The following TNRC6A variants were observed in gnomAD, a reference collection of about 807,000 sequenced individuals.
TNRC6A encodes the protein trinucleotide repeat-containing gene 6A protein.
A neutral mutation model predicts 221.2 loss-of-function variants in TNRC6A; 44 were observed. The ratio of observed to expected loss-of-function variants is 0.20; its 90% CI spans 0.16 to 0.26. The LOEUF (loss-of-function observed/expected upper bound fraction) is 0.26. Among genes scored for constraint, TNRC6A ranks in the 10% least tolerant of loss-of-function variants. The pLI, the probability that TNRC6A is intolerant of heterozygous loss-of-function variation, is 1.00. For missense variants in TNRC6A, 2,199 were observed against 2,404.4 expected, an observed-to-expected ratio of 0.91 and a Z score of 1.79; for synonymous variants, 847 against 838.5, an observed-to-expected ratio of 1.01 and a Z score of -0.18.
In TNRC6A at chr16:24,789,316, G is replaced by T. The variant is rs1252985080; in HGVS notation, c.674G>T (p.Cys225Phe). 6.2e-7 allele frequency: 1 copy of T among 1,614,210 alleles called. No individual in the cohort carries two copies. The highest frequency in any genetic ancestry group is 1.7e-5 in the Admixed American group (1 of 60,026). The change falls in exon 6 of 25, where the codon TGT becomes TTT. Residue 225 changes from cysteine (C) to phenylalanine (F), a missense_variant. Cys to Phe is a radical substitution (Grantham distance 205, BLOSUM62 -2). Around this residue, in one of 8 missense-constraint regions of TNRC6A, gnomAD observed 1,405 missense variants for 1,400.2 expected, o/e 1.00. Transcript: ENST00000395799. Reference protein sequence around the residue: ...VSSTSDSSTNCKNAVVSDLSE... With the variant: ...VSSTSDSSTNFKNAVVSDLSE... ...TCTACAAGTGATTCTAGCACAAACT[G>T]TAAGAATGCTGTTGTAAGTGACTTG...
At chr16:24,674,377 C>A (rs548991948) in intron 2 of TNRC6A, among the ~76,000 whole-genome samples, 207 of 152,158 alleles carry the variant, frequency 1.4e-3, no homozygotes, top group African/African-American at 4.6e-3. Context: ...TGCACTCCAG[C>A]CTGGGTGACA....
chr16:24,610,221 G>C (rs1899980233), exon 1 of TNRC6A: 1 of 152,240 alleles, frequency 6.6e-6, no homozygotes, highest in Admixed American at 6.5e-5. Flanking sequence ...TGATGGCTCC[G>C]GTGATGTTGG....
Position 24,703,821 on chromosome 16 carries a change from C to T in TNRC6A, n.403-46905C>T, listed in dbSNP as rs112162815. On this transcript the variant is annotated intron_variant and non_coding_transcript_variant, in intron 2 of 2. Coordinates refer to the TNRC6A transcript ENST00000566108. ...TTTTTTGGCCGGGCGTGGTGGCTCA[C>T]GCCTGTAATCCCAGCACTTTGGGAG... 6.6e-3 allele frequency among the ~76,000 whole-genome samples: 1,009 copies of T among 151,998 alleles called. 3 individuals are homozygous for T. The highest frequency in any genetic ancestry group is 0.012 in the Non-Finnish European group (814 of 67,946).
rs1467107851 is a variant in TNRC6A, at chr16:24,717,612, C to A, written n.403-33114C>A. Among the ~76,000 whole-genome samples, 3 of 152,130 alleles carry A rather than the reference C, an allele frequency of 2.0e-5. No homozygotes were observed. In the East Asian group the frequency reaches 5.8e-4, roughly 29 times the overall value. The stretch of plus-strand genomic sequence containing the variant: ...TTGCATTTGTCAGATAAAGCAAAAC[C>A]CAGGAGATCCCAGAGACCACACAGA... On this transcript the variant is annotated intron_variant and non_coding_transcript_variant, in intron 2 of 2. Coordinates refer to the TNRC6A transcript ENST00000566108.
chr16:24,801,171 T>G (rs1221842088), intron 11 of TNRC6A, among the ~76,000 whole-genome samples: 1 of 152,088 alleles, frequency 6.6e-6, no homozygotes, highest in African/African-American at 2.4e-5. Flanking sequence ...TGAAGTGTAA[T>G]TAATTAGATG....
chr16:24,613,908 T>G (rs1900208974), intron 1 of TNRC6A, among the ~76,000 whole-genome samples: 1 of 152,146 alleles, frequency 6.6e-6, no homozygotes, highest in Non-Finnish European at 1.5e-5. Flanking sequence ...AAGAGGTATA[T>G]CAGTTTTTCT....
At chr16:24,815,037 C>A in intron 18 of TNRC6A, 110 bp from the exon 19 acceptor site, 2 of 1,229,726 alleles carry the variant, frequency 1.6e-6, no homozygotes, top group Non-Finnish European at 2.3e-6. Context: ...GAGAACACAG[C>A]CTAGAGCCCA....
intron 18 of TNRC6A, among the ~76,000 whole-genome samples, chr16:24,811,238 TAAGAA>T (rs1374158131): frequency 6.6e-6 from 1 of 152,136 alleles, no homozygotes; most frequent in East Asian, 1.9e-4. Flanking sequence ...ACACCTACAG[TAAGAA>T]AAGTCTGATT....
intron 4 of TNRC6A, among the ~76,000 whole-genome samples, chr16:24,762,736 T>G (rs2057389704): frequency 6.6e-6 from 1 of 152,234 alleles, no homozygotes; most frequent in South Asian, 2.1e-4. Context: ...TTAACTAACT[T>G]GCCCAGGTTA....
chr16:24,616,342 A>AAG (rs956955825), intron 1 of TNRC6A, among the ~76,000 whole-genome samples: 2 of 144,930 alleles, frequency 1.4e-5, no homozygotes, highest in African/African-American at 5.1e-5. Context: ...AAAAAAAAAA[A>AAG]AAGAAGAAGA....
At chr16:24,664,769 T>TCACACA (rs149786252) in intron 2 of TNRC6A, 3,828 of 301,380 alleles carry the variant, frequency 0.013, 55 homozygotes, top group African/African-American at 0.046. Context: ...AATCCCCAAA[T>TCACACA]CACACACACA....
intron 1 of TNRC6A, among the ~76,000 whole-genome samples, chr16:24,629,641 T>C (rs2141665949): frequency 6.6e-6 from 1 of 152,274 alleles, no homozygotes; most frequent in South Asian, 2.1e-4. Context: ...AGGAGAAAGA[T>C]AGTCATTTAT....
At chr16:24,652,813 G>A (rs774801359) in intron 2 of TNRC6A, among the ~76,000 whole-genome samples, 1 of 152,146 alleles carries the variant, frequency 6.6e-6, no homozygotes, top group Non-Finnish European at 1.5e-5. Context: ...CCTCCCTGTA[G>A]ATTAAGTTTA....
chr16:24,745,562 G>A (rs528197146), intron 2 of TNRC6A, among the ~76,000 whole-genome samples: 2 of 152,352 alleles, frequency 1.3e-5, no homozygotes, highest in Non-Finnish European at 2.9e-5. Flanking sequence ...AGCTTGTGGT[G>A]TGTTGCTGAC....
chr16:24,821,965 G>T (rs2058774174), intron 22 of TNRC6A, 112 bp from the exon 23 acceptor site: 1 of 1,007,312 alleles, frequency 9.9e-7, no homozygotes, highest in Non-Finnish European at 1.6e-6. Flanking sequence ...AGCCTCCCAT[G>T]TAGAAGTGCA....
At chr16:24,707,908 C>T (rs552997129) in intron 2 of TNRC6A, among the ~76,000 whole-genome samples, 5 of 152,190 alleles carry the variant, frequency 3.3e-5, no homozygotes, top group African/African-American at 1.2e-4. Flanking sequence ...AAAATACAAA[C>T]ATTAGCCCGG....
Position 24,793,498 on chromosome 16 carries a change from T to A in TNRC6A, c.3201T>A (p.Pro1067=). 6.6e-7 allele frequency: 1 copy of A among 1,517,994 alleles called. No homozygotes were observed. The highest frequency in any genetic ancestry group is 1.4e-5 in the South Asian group (1 of 71,884). The allele number at this position is 1,517,994 out of a possible 1,614,324, so 94.0% of individuals were successfully genotyped here. The change falls in exon 7 of 25, where the codon CCT becomes CCA. Residue 1067 remains proline, a synonymous_variant. Transcript: ENST00000395799. ...GSGWGEPWGE[P]STPATTVDNG... ...GCTGGGGTGAGCCCTGGGGGGAGCCTTCTACTCCAGCCACAACTGTGGATA... is the reference window on the plus strand; with the variant it reads ...GCTGGGGTGAGCCCTGGGGGGAGCCATCTACTCCAGCCACAACTGTGGATA...
At position 24,823,090 on chromosome 16, in the gene TNRC6A, G is replaced by A. The variant is rs144903727; in HGVS notation, c.5513+77G>A. ...AGAGCACAGCCTGACCCGGGGCAGT[G>A]CACAGGGTCCTGCGTGGGTGGCTCC... is the stretch of plus-strand genomic sequence containing the variant. On this transcript the variant is annotated intron_variant, in intron 24 of 24. Coordinates refer to ENST00000395799, the MANE Select transcript of TNRC6A (RefSeq NM_014494.4). This position sits in a 1 kb window ranked among gnomAD's most constrained non-coding sequence, Gnocchi z 4.3. The A allele has an allele frequency of 1.1e-3, 1,690 of 1,593,828 alleles. 4 individuals are homozygous for A. The highest frequency in any genetic ancestry group is 1.7e-3 in the Admixed American group (100 of 59,612).
At chr16:24,679,100 G>A (rs1316963396) in intron 2 of TNRC6A, among the ~76,000 whole-genome samples, 8 of 150,898 alleles carry the variant, frequency 5.3e-5, no homozygotes, top group African/African-American at 2.0e-4. Flanking sequence ...CCAGATTGAA[G>A]CAATTCTCCT....
Sources: gnomAD v4.1 joint callset for allele counts (sites outside exome capture counted in the v4.1 genomes callset) on GRCh38, gnomAD v4.1.1 for gene constraint, gnomAD v4.1.1 regional missense constraint, Gnocchi (gnomAD v3.1) non-coding constraint, MANE v1.5 for transcripts, NCBI Gene and HGNC (gene_info 2026-07-23, HGNC 2026-07-21) for gene names.